Variants in AKAP12 observed in about 807,000 individuals in gnomAD.
The protein encoded by AKAP12 is A-kinase anchor protein 12.
In AKAP12, 32 loss-of-function variants were observed where a neutral mutation model predicts 79.9. That is an observed-to-expected ratio of 0.40 (90% CI 0.30 to 0.54). The LOEUF (loss-of-function observed/expected upper bound fraction) is 0.54, where lower values mean the gene tolerates loss of function less well. AKAP12 is among the 20% of genes least tolerant of loss of function. AKAP12 has a pLI of 0.48. For synonymous variants in AKAP12, 808 were observed against 857.0 expected (o/e 0.94, Z 1.00); for missense variants, 2,074 against 2,177.0 (o/e 0.95, Z 0.94).
chr6:151,333,486 C>G (rs1450455980), intron 3 of AKAP12, among the ~76,000 whole-genome samples: 2 of 152,332 alleles, frequency 1.3e-5, no homozygotes, highest in African/African-American at 4.8e-5. Flanking sequence ...CGCAGTGGCT[C>G]ACGCCTGTAA....
In AKAP12 at chr6:151,350,926, C is replaced by T. The variant is rs752752017; in HGVS notation, c.2535C>T (p.Ala845=). 8 of 1,614,006 alleles carry T rather than the reference C, an allele frequency of 5.0e-6. No homozygotes were observed. Among genetic ancestry groups the T allele is most frequent in the Middle Eastern group, 1.6e-4 (1 of 6,062 alleles). The change falls in exon 4 of 5, where the codon GCC becomes GCT. Residue 845 remains alanine (A), a synonymous_variant. Transcript: ENST00000402676. This position sits in a 1 kb window ranked among gnomAD's most constrained non-coding sequence, Gnocchi z 4.8. The part of the protein sequence containing the change: ...GANEDDSDVP[A]VVPLSEYDAV... ...ACGAAGATGACTCTGATGTCCCGGC[C>T]GTGGTCCCTCTGTCTGAGTATGATG...
At chr6:151,335,352 A>G (rs1323332736) in intron 3 of AKAP12, among the ~76,000 whole-genome samples, 1 of 152,254 alleles carries the variant, frequency 6.6e-6, no homozygotes, top group Non-Finnish European at 1.5e-5. Flanking sequence ...TGTTATTTTT[A>G]TAGAAAGCCA....
At chr6:151,338,382 A>G (rs1407506352) in intron 3 of AKAP12, among the ~76,000 whole-genome samples, 1 of 151,732 alleles carries the variant, frequency 6.6e-6, no homozygotes, top group Non-Finnish European at 1.5e-5. Flanking sequence ...TCAAAGTATA[A>G]GTTCCCTCCC....
chr6:151,353,016 T>G lies in AKAP12; in HGVS notation c.4625T>G (p.Leu1542Arg). The change falls in exon 4 of 5, where the codon CTT becomes CGT. Residue 1542 changes from leucine (L) to arginine (R), a missense_variant. This residue lies in a region of AKAP12 where 614 missense variants were observed against 665.6 expected (regional missense o/e 0.92). Coordinates refer to ENST00000402676, the MANE Select transcript of AKAP12 (RefSeq NM_005100.4). Reference protein sequence around the residue: ...DLEPENGILELETKSSKLVQN... With the variant: ...DLEPENGILERETKSSKLVQN... ...GAGCCTGAAAATGGGATTTTGGAAC[T>G]TGAGACCAAAAGCAGTAAACTTGTC... The G allele has an allele frequency of 6.2e-7, 1 of 1,614,160 alleles. No homozygotes were observed. The highest frequency in any genetic ancestry group is 1.1e-5 in the South Asian group (1 of 91,082).
At chr6:151,274,040 C>A (rs66729256) in intron 2 of AKAP12, among the ~76,000 whole-genome samples, 80,165 of 147,798 alleles carry the variant, frequency 0.54, 21,562 homozygotes, top group Middle Eastern at 0.64. Flanking sequence ...AAAACAAAAA[C>A]AAAAAAGAAT....
chr6:151,324,579 A>G (rs753181202), intron 3 of AKAP12: 1,564 of 985,320 alleles, frequency 1.6e-3, no homozygotes, highest in Non-Finnish European at 1.8e-3. Flanking sequence ...GCAATAATGA[A>G]CAAGATCTTC....
rs557232819 is a variant in AKAP12, at chr6:151,286,372, A to C, written c.163-19375A>C. Among the ~76,000 whole-genome samples the C allele has an allele frequency of 3.3e-4, 51 of 152,300 alleles. 1 individual carries two copies. Among genetic ancestry groups the C allele is most frequent in the African/African-American group, 9.1e-4 (38 of 41,582 alleles). ...ATTTCTGTGCTGTTACTACACACAT[A>C]CGTTCTACTTTGCTTGCTGTCAAGG... is the stretch of plus-strand genomic sequence containing the variant. On this transcript the variant is annotated intron_variant, in intron 2 of 4. Coordinates refer to ENST00000402676, the MANE Select transcript of AKAP12 (RefSeq NM_005100.4).
At chr6:151,285,646 C>CA (rs543659787) in intron 2 of AKAP12, among the ~76,000 whole-genome samples, 124 of 151,178 alleles carry the variant, frequency 8.2e-4, no homozygotes, top group Non-Finnish European at 1.5e-3. Flanking sequence ...TAAACAAAAA[C>CA]AAAAAAATTT....
At chr6:151,310,087 G>A (rs1386407180) in intron 3 of AKAP12, among the ~76,000 whole-genome samples, 2 of 152,164 alleles carry the variant, frequency 1.3e-5, no homozygotes, top group African/African-American at 2.4e-5. Flanking sequence ...AAGAGCCTGG[G>A]TGCAGTGGCT....
chr6:151,264,020 C>T (rs1339383225), intron 2 of AKAP12, among the ~76,000 whole-genome samples: 1 of 152,218 alleles, frequency 6.6e-6, no homozygotes, highest in East Asian at 1.9e-4. Flanking sequence ...CAAATCTACA[C>T]TGTCTGTTCT....
At chr6:151,268,945 GTTTTTTTTTTTTTTTTTT>G (rs558502756) in intron 2 of AKAP12, among the ~76,000 whole-genome samples, 4,713 of 77,700 alleles carry the variant, frequency 0.061, 165 homozygotes, top group Middle Eastern at 0.15. Flanking sequence ...TGCTCGGCCT[GTTTTTTTTTTTTTTTTTT>G]TTTTTTTTTT....
intron 2 of AKAP12, among the ~76,000 whole-genome samples, chr6:151,305,170 T>C (rs201114895): frequency 6.3e-4 from 40 of 63,556 alleles, no homozygotes; most frequent in African/African-American, 4.7e-3. Flanking sequence ...GTCAGGGCTG[T>C]TTTTTTTTTT....
intron 2 of AKAP12, among the ~76,000 whole-genome samples, chr6:151,249,201 C>T (rs1442827289): frequency 2.6e-5 from 4 of 152,148 alleles, no homozygotes; most frequent in African/African-American, 4.8e-5. Context: ...TAGCTAAGGG[C>T]TTAGTTTATG....
At chr6:151,253,753 A>C (rs966882621) in intron 2 of AKAP12, among the ~76,000 whole-genome samples, 1 of 151,746 alleles carries the variant, frequency 6.6e-6, no homozygotes, top group Admixed American at 6.6e-5. Context: ...CTGCTCTGTT[A>C]CCCAGGCTGG....
intron 3 of AKAP12, among the ~76,000 whole-genome samples, chr6:151,317,447 C>G (rs1777262105): frequency 6.6e-6 from 1 of 152,160 alleles, no homozygotes; most frequent in Non-Finnish European, 1.5e-5. Context: ...AGAAAATAAC[C>G]TGTCTCACAT....
chr6:151,270,759 G>A (rs1397126869), intron 2 of AKAP12, among the ~76,000 whole-genome samples: 1 of 151,854 alleles, frequency 6.6e-6, no homozygotes, highest in Non-Finnish European at 1.5e-5. Flanking sequence ...GTTTTGATGT[G>A]CATTTCCCTG....
intron 2 of AKAP12, among the ~76,000 whole-genome samples, chr6:151,274,656 A>G (rs752818971): frequency 1.3e-5 from 2 of 152,206 alleles, no homozygotes; most frequent in Non-Finnish European, 2.9e-5. Context: ...TTCCTATTTA[A>G]CACAACCATT....
chr6:151,256,534 TTTCTC>T (rs1329295978), intron 2 of AKAP12, among the ~76,000 whole-genome samples: 1 of 152,174 alleles, frequency 6.6e-6, no homozygotes, highest in African/African-American at 2.4e-5. Flanking sequence ...TAAAGAAAAT[TTTCTC>T]TTCTTTAGGA....
Position 151,240,725 on chromosome 6 carries a change from G to T in AKAP12, c.162+1G>T. On this transcript the variant is annotated splice_donor_variant, in intron 2 of 4. Coordinates refer to ENST00000402676, the MANE Select transcript of AKAP12 (RefSeq NM_005100.4). LOFTEE classifies it high-confidence loss of function. ...CGCTGCCTCGGACCCCGCCACCAAGGTACGGGCGTGCCGGGCCACCTGCGC... is the reference window on the plus strand; with the variant it reads ...CGCTGCCTCGGACCCCGCCACCAAGTTACGGGCGTGCCGGGCCACCTGCGC... The T allele has an allele frequency of 8.0e-7, 1 of 1,255,192 alleles. No homozygotes were observed. Among genetic ancestry groups the T allele is most frequent in the South Asian group, 3.1e-5 (1 of 32,544 alleles). The allele number at this position is 1,255,192 out of a possible 1,614,324, so 77.8% of individuals were successfully genotyped here.
Sources: allele counts gnomAD v4.1 joint callset (sites outside exome capture counted in the v4.1 genomes callset), GRCh38; gene constraint gnomAD v4.1.1; regional missense constraint gnomAD v4.1.1; non-coding constraint Gnocchi (gnomAD v3.1); transcripts MANE v1.5; gene names NCBI Gene and HGNC (gene_info 2026-07-23, HGNC 2026-07-21).